The following USP4 variants were observed in gnomAD, a reference collection of about 807,000 sequenced individuals.
The protein encoded by USP4 is ubiquitin carboxyl-terminal hydrolase 4.
USP4 carries 72 observed loss-of-function variants against 118.2 expected under a neutral mutation model. The observed-to-expected ratio is 0.61, with a 90% confidence interval of 0.50 to 0.74. USP4 has a LOEUF of 0.74. Ranked by LOEUF, USP4 falls within the 30% of genes least tolerant of loss-of-function variation. The probability of loss-of-function intolerance (pLI) is 0.00; values close to 1 mark genes in which losing one functional copy is unlikely to be tolerated. For missense variants in USP4, 1,037 were observed against 1,185.7 expected, an observed-to-expected ratio of 0.87 and a Z score of 1.84; for synonymous variants, 415 against 440.4, an observed-to-expected ratio of 0.94 and a Z score of 0.72.
At position 49,336,650 on chromosome 3, in the gene USP4, G is replaced by A. The variant is rs138278980; in HGVS notation, c.102-1054C>T. ...AGTGATTCTCCTGCCTCAGTCTCCC[G>A]TAGCTGGGATTACAGGTGTGTGCCA... On this transcript the variant is annotated intron_variant, in intron 1 of 21. Coordinates refer to ENST00000265560, the MANE Select transcript of USP4 (RefSeq NM_003363.4). Among the ~76,000 whole-genome samples the A allele has an allele frequency of 2.8e-3, 418 of 151,710 alleles. 3 individuals are homozygous for A. The highest frequency in any genetic ancestry group is 9.4e-3 in the African/African-American group (387 of 41,352).
Position 49,277,321 on chromosome 3 carries a change from C to A in USP4, c.*972G>T. 1 of 1,075,960 alleles carries A rather than the reference C, an allele frequency of 9.3e-7. No individual in the cohort carries two copies. Among genetic ancestry groups the A allele is most frequent in the South Asian group, 1.4e-5 (1 of 72,264 alleles). 66.7% of individuals were successfully genotyped at this position (1,075,960 alleles called of 1,614,324 possible). ...ATACGTCCGGTTCCTTAAGGCCTTG[C>A]CCACACGCAGCGGCTGGCCCCGCGG... On this transcript the variant is annotated 3_prime_UTR_variant, in exon 22 of 22. Coordinates refer to ENST00000265560, the MANE Select transcript of USP4 (RefSeq NM_003363.4).
intron 15 of USP4, among the ~76,000 whole-genome samples, chr3:49,290,571 A>G (rs1407611685): frequency 3.3e-5 from 5 of 151,016 alleles, no homozygotes; most frequent in Admixed American, 1.3e-4. Flanking sequence ...CTGGAGTGCA[A>G]TGATGCAATC....
chr3:49,323,387 T>C (rs558848324), intron 6 of USP4, among the ~76,000 whole-genome samples: 37 of 149,326 alleles, frequency 2.5e-4, no homozygotes, highest in Middle Eastern at 3.2e-3. Context: ...CAAGCAATGC[T>C]CCCACCTCAG....
intron 13 of USP4, among the ~76,000 whole-genome samples, chr3:49,295,384 CAA>C (rs2047194118): frequency 1.3e-5 from 2 of 149,228 alleles, no homozygotes; most frequent in Admixed American, 6.7e-5. Flanking sequence ...GGATATTAGC[CAA>C]ACTCTTTTTT....
At chr3:49,287,072 G>A (rs1321818424) in intron 15 of USP4, among the ~76,000 whole-genome samples, 1 of 152,104 alleles carries the variant, frequency 6.6e-6, no homozygotes, top group African/African-American at 2.4e-5. Context: ...GGCTGGTCTC[G>A]AACTCCTGAC....
In USP4 at chr3:49,335,484, A is replaced by G; in HGVS notation, c.214T>C (p.Ser72Pro). Residue 72 changes from serine to proline, a missense_variant, in exon 2 of 22, where the codon TCT becomes CCT. Physicochemically the swap from Ser to Pro is moderately conservative, Grantham distance 74 (BLOSUM62 -1). This residue lies in a region of USP4 where 487 missense variants were observed against 534.1 expected (regional missense o/e 0.91). Coordinates refer to ENST00000265560, the MANE Select transcript of USP4 (RefSeq NM_003363.4). ...TTTACTATACCTGAAAATAGCCCAG[A>G]GTTGTCTATTGGGCCAGGAAATAGG... ...HNLFPGPIDN[S>P]GLFSDPESQT... 6.2e-7 allele frequency: 1 copy of G among 1,614,206 alleles called. No individual in the cohort carries two copies. The highest frequency in any genetic ancestry group is 1.1e-5 in the South Asian group (1 of 91,086).
Position 49,300,661 on chromosome 3 carries a change from T to C in USP4, c.1318A>G (p.Arg440Gly). Residue 440 changes from arginine (R) to glycine (G), a missense_variant, in exon 11 of 22, where the codon AGG (arginine) becomes GGG (glycine). Physicochemically the swap from Arg to Gly is moderately radical, Grantham distance 125. Around this residue, in one of 3 missense-constraint regions of USP4, gnomAD observed 28 missense variants for 59.0 expected, o/e 0.47. Transcript: ENST00000265560. ...VVAKEAWENH[R>G]LRNDSVIVDT... is the part of the protein sequence containing the mutation. ...ACAATCACAGAATCATTCCTCAACC[T>C]GTGATTCTCCCAGGCTTCCTTTGCC... 1 of 1,614,150 alleles carries C rather than the reference T, an allele frequency of 6.2e-7. No homozygotes were observed.
At chr3:49,319,599 A>ATGTTTGTT (rs71077786) in intron 6 of USP4, among the ~76,000 whole-genome samples, 2,330 of 148,960 alleles carry the variant, frequency 0.016, 39 homozygotes, top group African/African-American at 0.041. Flanking sequence ...ATTACTAAAC[A>ATGTTTGTT]TGTTTGTTTG....
intron 8 of USP4, among the ~76,000 whole-genome samples, chr3:49,308,332 T>G (rs1237425614): frequency 6.6e-6 from 1 of 152,124 alleles, no homozygotes; most frequent in Non-Finnish European, 1.5e-5. Flanking sequence ...TATTATATAT[T>G]TTTTTGAGAC....
chr3:49,279,687 T>C (rs1476218715), intron 20 of USP4, among the ~76,000 whole-genome samples: 1 of 152,198 alleles, frequency 6.6e-6, no homozygotes, highest in Admixed American at 6.5e-5. Context: ...TGTGTGGTTT[T>C]AGGTAAGGTG....
intron 2 of USP4, among the ~76,000 whole-genome samples, chr3:49,333,917 G>C (rs578061060): frequency 3.9e-5 from 6 of 152,240 alleles, no homozygotes; most frequent in Admixed American, 6.5e-5. Flanking sequence ...TACTCGGGAG[G>C]CTGAGGCAGG....
Position 49,302,472 on chromosome 3 carries a change from A to C in USP4, c.1199T>G (p.Phe400Cys). ...ATCTTCATGCAATCCATCTAGAAGA[A>C]AGGCCAGCAGCTCCTGAGAATCTTG... is the stretch of plus-strand genomic sequence containing the variant. The part of the protein sequence containing the change: ...QQQDSQELLA[F>C]LLDGLHEDLN... Residue 400 changes from phenylalanine to cysteine, a missense_variant, in exon 10 of 22, where the codon TTT (phenylalanine) becomes TGT (cysteine). Transcript: ENST00000265560. 6.2e-7 allele frequency: 1 copy of C among 1,614,224 alleles called. No homozygotes were observed. The highest frequency in any genetic ancestry group is 8.5e-7 in the Non-Finnish European group (1 of 1,180,042).
Position 49,325,025 on chromosome 3 carries a change from CTT to C in USP4, c.500_501del (p.Lys167ArgfsTer13), listed in dbSNP as rs751934683. On this transcript the variant is annotated frameshift_variant, in exon 5 of 22. Transcript: ENST00000265560. LOFTEE classifies it high-confidence loss of function. ...SKADTIATIE[K>X]EMRKLFNIPA... is the part of the protein sequence containing the mutation. ...GGGATGTTGAATAGCTTCCGCATCT[CTT>C]TCTCGATGGTTGCTAGGAACAGGCA... 6.2e-7 allele frequency: 1 copy of C among 1,613,508 alleles called. No individual in the cohort carries two copies. Among genetic ancestry groups the C allele is most frequent in the Non-Finnish European group, 8.5e-7 (1 of 1,179,854 alleles).
At chr3:49,315,611 T>C (rs1343314980) in intron 6 of USP4, among the ~76,000 whole-genome samples, 2 of 152,190 alleles carry the variant, frequency 1.3e-5, no homozygotes, top group Admixed American at 6.6e-5. Flanking sequence ...ACAGACACTA[T>C]GCCTCCAAAC....
intron 6 of USP4, among the ~76,000 whole-genome samples, chr3:49,320,098 T>G (rs989330204): frequency 6.6e-6 from 1 of 151,950 alleles, no homozygotes; most frequent in African/African-American, 2.4e-5. Context: ...TAAAAAAAAT[T>G]TTGTAGAGAC....
rs770955972 is a variant in USP4 at position 49,294,639 on chromosome 3, C to T, written c.1692-41G>A. The T allele has an allele frequency of 8.2e-6, 13 of 1,583,414 alleles. No individual in the cohort carries two copies. In the South Asian group the frequency reaches 1.5e-4, roughly 18 times the overall value. On this transcript the variant is annotated intron_variant, in intron 13 of 21. Coordinates refer to ENST00000265560, the MANE Select transcript of USP4 (RefSeq NM_003363.4). ...AAGAGGGCACTTTTAGCAGTAGGTC[C>T]TTGTGAACAACAGAGATCTGAGCTG...
chr3:49,339,855 C>T, intron 1 of USP4, 69 bp downstream of exon 1: 1 of 1,349,176 alleles, frequency 7.4e-7, no homozygotes, highest in South Asian at 1.2e-5. Context: ...CTACTCTAGC[C>T]GAGAAAAAGG....
intron 6 of USP4, chr3:49,312,885 CTTTTT>C (rs906734016): frequency 1.4e-5 from 2 of 140,892 alleles, no homozygotes; most frequent in South Asian, 2.3e-4. Flanking sequence ...CATTTTTTTT[CTTTTT>C]TTTTTTCTTT....
chr3:49,310,810 C>G, intron 7 of USP4, 73 bp from the exon 8 acceptor site: 1 of 1,146,722 alleles, frequency 8.7e-7, no homozygotes, highest in Non-Finnish European at 1.3e-6. Flanking sequence ...TTTTGAGGCT[C>G]CTATGGGGGC....
Sources: allele counts gnomAD v4.1 joint callset (sites outside exome capture counted in the v4.1 genomes callset), GRCh38; gene constraint gnomAD v4.1.1; regional missense constraint gnomAD v4.1.1; transcripts MANE v1.5; gene names NCBI Gene and HGNC (gene_info 2026-07-23, HGNC 2026-07-21).